The following BTBD16 variants were observed in gnomAD, a reference collection of about 807,000 sequenced individuals.
BTBD16 encodes the protein BTB/POZ domain-containing protein 16.
BTBD16 carries 66 observed loss-of-function variants against 67.4 expected under a neutral mutation model. The ratio of observed to expected loss-of-function variants is 0.98; its 90% CI spans 0.80 to 1.20. The LOEUF (loss-of-function observed/expected upper bound fraction) is 1.20. BTBD16 is among the 50% of genes most tolerant of loss of function. The pLI, the probability that BTBD16 is intolerant of heterozygous loss-of-function variation, is 0.00. For synonymous variants in BTBD16, 242 were observed against 236.4 expected, an observed-to-expected ratio of 1.02 and a Z score of -0.22; for missense variants, 634 against 616.0, an observed-to-expected ratio of 1.03 and a Z score of -0.31.
chr10:122,287,932 T>G (rs11200530), intron 5 of BTBD16, among the ~76,000 whole-genome samples: 5,351 of 152,268 alleles, frequency 0.035, 301 homozygotes, highest in African/African-American at 0.12. Context: ...AACAAATTAT[T>G]GATATCTTAT....
chr10:122,279,448 A>C (rs1343402120), intron 3 of BTBD16, among the ~76,000 whole-genome samples: 1 of 150,146 alleles, frequency 6.7e-6, no homozygotes, highest in African/African-American at 2.5e-5. Context: ...GTGCCGTTTC[A>C]CTCCAGCCTG....
At chr10:122,286,505 G>A (rs1426800726) in intron 5 of BTBD16, among the ~76,000 whole-genome samples, 2 of 152,174 alleles carry the variant, frequency 1.3e-5, no homozygotes, top group Non-Finnish European at 2.9e-5. Context: ...CACACAGCAA[G>A]CTCTCAGTAC....
chr10:122,335,825 A>G (rs2096462491), intron 14 of BTBD16, among the ~76,000 whole-genome samples: 1 of 152,072 alleles, frequency 6.6e-6, no homozygotes, highest in Non-Finnish European at 1.5e-5. Flanking sequence ...TTTTATTACT[A>G]CTGCCAATCA....
chr10:122,336,429 A>G, intron 14 of BTBD16, 65 bp from the exon 15 acceptor site: 1 of 1,420,144 alleles, frequency 7.0e-7, no homozygotes, highest in Admixed American at 2.4e-5. Flanking sequence ...GCCAGGCTCC[A>G]GCTTTCCCTA....
chr10:122,300,347 A>G (rs897604124), intron 9 of BTBD16, among the ~76,000 whole-genome samples: 1 of 152,118 alleles, frequency 6.6e-6, no homozygotes, highest in Non-Finnish European at 1.5e-5. Context: ...TTCTATGCAA[A>G]GAATATTTGC....
intron 14 of BTBD16, among the ~76,000 whole-genome samples, chr10:122,335,653 G>A (rs1252782260): frequency 2.6e-5 from 4 of 152,226 alleles, no homozygotes; most frequent in East Asian, 1.9e-4. Flanking sequence ...CTTGGAACAA[G>A]CTTGACACAC....
chr10:122,310,455 T>C (rs1442249476), intron 10 of BTBD16, among the ~76,000 whole-genome samples: 1 of 152,084 alleles, frequency 6.6e-6, no homozygotes, highest in Admixed American at 6.6e-5. Flanking sequence ...GTACCTCTGC[T>C]CCCTGTGGAG....
intron 10 of BTBD16, among the ~76,000 whole-genome samples, chr10:122,321,410 T>C (rs2096435208): frequency 6.6e-6 from 1 of 152,226 alleles, no homozygotes; most frequent in Non-Finnish European, 1.5e-5. Flanking sequence ...AGTGCAATTT[T>C]CAGTTCTTTG....
intron 7 of BTBD16, chr10:122,294,060 T>G (rs1199356294): frequency 1.1e-6 from 1 of 914,248 alleles, no homozygotes; most frequent in Non-Finnish European, 1.3e-6. Flanking sequence ...TGAGCAAACA[T>G]AGGCTTGCCT....
chr10:122,328,771 G>A, intron 10 of BTBD16: 1 of 985,414 alleles, frequency 1.0e-6, no homozygotes, highest in Non-Finnish European at 1.2e-6. Flanking sequence ...TTCAAAAGAA[G>A]GGCAGGGAAT....
chr10:122,308,423 G>A (rs2096407502), intron 10 of BTBD16, among the ~76,000 whole-genome samples: 1 of 152,146 alleles, frequency 6.6e-6, no homozygotes, highest in South Asian at 2.1e-4. Flanking sequence ...ACATCGCCAT[G>A]CATTTCCCCA....
At chr10:122,329,915 A>C (rs1227850326) in intron 11 of BTBD16, among the ~76,000 whole-genome samples, 1 of 152,136 alleles carries the variant, frequency 6.6e-6, no homozygotes, top group African/African-American at 2.4e-5. Context: ...CTTGTTCTGC[A>C]GTTTGGGAGA....
At chr10:122,317,316 TTA>T (rs1399909218) in intron 10 of BTBD16, among the ~76,000 whole-genome samples, 5 of 152,220 alleles carry the variant, frequency 3.3e-5, no homozygotes, top group African/African-American at 1.2e-4. Flanking sequence ...TCTAAAAAGT[TTA>T]TGTTAATTTT....
At chr10:122,278,855 G>A (rs2096346408) in intron 3 of BTBD16, among the ~76,000 whole-genome samples, 1 of 152,176 alleles carries the variant, frequency 6.6e-6, no homozygotes, top group Non-Finnish European at 1.5e-5. Flanking sequence ...CAGGGCACTT[G>A]GGCTCTGTTC....
intron 7 of BTBD16, among the ~76,000 whole-genome samples, chr10:122,292,442 G>C (rs1405301670): frequency 1.3e-5 from 2 of 152,242 alleles, no homozygotes; most frequent in Admixed American, 6.5e-5. Flanking sequence ...AGGCCACGCA[G>C]CTGCCAAGTA....
chr10:122,304,021 A>T (rs962440913), intron 9 of BTBD16, among the ~76,000 whole-genome samples: 2 of 152,160 alleles, frequency 1.3e-5, no homozygotes, highest in African/African-American at 4.8e-5. Context: ...CTTTAGTGAG[A>T]CCTCAAAGGG....
At chr10:122,285,660 C>T (rs79861815) in intron 4 of BTBD16, among the ~76,000 whole-genome samples, 1,896 of 152,030 alleles carry the variant, frequency 0.012, 44 homozygotes, top group African/African-American at 0.043. Flanking sequence ...CCACAGTGCA[C>T]GGGACAGCAC....
intron 7 of BTBD16, 123 bp downstream of exon 7, chr10:122,291,317 C>T: frequency 8.0e-7 from 1 of 1,246,918 alleles, no homozygotes; most frequent in African/African-American, 1.5e-5. Flanking sequence ...GTCTTTGTGC[C>T]AAGCATGGCC....
intron 10 of BTBD16, among the ~76,000 whole-genome samples, chr10:122,324,962 G>A (rs1232323609): frequency 6.6e-6 from 1 of 152,210 alleles, no homozygotes; most frequent in Non-Finnish European, 1.5e-5. Context: ...GATTAGACAG[G>A]ATTTCCCTTT....
Sources: gnomAD v4.1 joint callset for allele counts (sites outside exome capture counted in the v4.1 genomes callset) on GRCh38, gnomAD v4.1.1 for gene constraint, MANE v1.5 for transcripts, NCBI Gene and HGNC (gene_info 2026-07-23, HGNC 2026-07-21) for gene names.